COPB2: variants seen among roughly 807,000 people sequenced by gnomAD.
COPB2 encodes the protein coatomer subunit beta'.
In COPB2, 16 loss-of-function variants were observed where a neutral mutation model predicts 120.8. The observed-to-expected ratio is 0.13, with a 90% CI of 0.09 to 0.20. The LOEUF is 0.20. Among genes scored for constraint, COPB2 ranks in the 10% least tolerant of loss-of-function variants. COPB2 has a pLI of 1.00. For missense variants in COPB2, 794 were observed against 1,076.5 expected, an observed-to-expected ratio of 0.74 and a Z score of 3.67; for synonymous variants, 332 against 366.3, an observed-to-expected ratio of 0.91 and a Z score of 1.07.
At chr3:139,365,309 T>C (rs1048725385) in intron 15 of COPB2, among the ~76,000 whole-genome samples, 6 of 152,078 alleles carry the variant, frequency 3.9e-5, no homozygotes, top group Non-Finnish European at 5.9e-5. Flanking sequence ...GAATGAGGAA[T>C]AAAAATGGCT....
chr3:139,362,453 T>G lies in COPB2; in HGVS notation c.1949A>C (p.Gln650Pro), dbSNP rs762444070. ...GTATGCAATTTTTAACTCTCCAAGC[T>G]GAAGAGCAAGCTCAAAACGATGCTC... ...DPEHRFELAL[Q>P]LGELKIAYQL... The change falls in exon 16 of 22, where the codon CAG (glutamine) becomes CCG (proline). Residue 650 changes from glutamine to proline, a missense_variant. This residue lies in a region of COPB2 where 610 missense variants were observed against 866.7 expected (regional missense o/e 0.70). Transcript: ENST00000333188. 1 of 1,612,718 alleles carries G rather than the reference T, an allele frequency of 6.2e-7. No individual in the cohort carries two copies. The highest frequency in any genetic ancestry group is 1.7e-5 in the Admixed American group (1 of 59,984).
intron 4 of COPB2, among the ~76,000 whole-genome samples, chr3:139,378,400 ATAGAT>A (rs1447159543): frequency 6.6e-6 from 1 of 152,208 alleles, no homozygotes; most frequent in African/African-American, 2.4e-5. Flanking sequence ...AATAAATAAA[ATAGAT>A]TAGAAATAGA....
chr3:139,360,017 A>G (rs1379153398), intron 17 of COPB2, among the ~76,000 whole-genome samples: 2 of 152,188 alleles, frequency 1.3e-5, no homozygotes, highest in Non-Finnish European at 2.9e-5. Context: ...ATACTAAAGC[A>G]GTTCAGCTCA....
At chr3:139,366,229 A>G (rs763355740) in intron 15 of COPB2, among the ~76,000 whole-genome samples, 3 of 151,714 alleles carry the variant, frequency 2.0e-5, no homozygotes, top group Admixed American at 6.6e-5. Flanking sequence ...GTCATGGTAC[A>G]TTTTATATGT....
intron 1 of COPB2, among the ~76,000 whole-genome samples, chr3:139,385,804 A>T (rs770991201): frequency 6.6e-5 from 10 of 152,218 alleles, no homozygotes; most frequent in Non-Finnish European, 1.0e-4. Flanking sequence ...CAATATATAC[A>T]ATGATCCTTA....
chr3:139,362,561 A>ATTTT, intron 15 of COPB2, 44 bp from the exon 16 acceptor site: 1 of 1,223,116 alleles, frequency 8.2e-7, no homozygotes, highest in Non-Finnish European at 1.1e-6. Context: ...GCATACAAAA[A>ATTTT]TGTATGTATG....
chr3:139,361,142 C>T lies in COPB2; in HGVS notation c.2149G>A (p.Glu717Lys). 2.5e-6 allele frequency: 4 copies of T among 1,614,272 alleles called. No homozygotes were observed. Among genetic ancestry groups the T allele is most frequent in the Non-Finnish European group, 3.4e-6 (4 of 1,180,042 alleles). Residue 717 changes from glutamate (E) to lysine (K), a missense_variant, in exon 17 of 22, where the codon GAG (glutamate) becomes AAG (lysine). Transcript: ENST00000333188. ...TTTTTGCCATCTCTCTCCGCACCCT[C>T]TGCTAGCTTGTTCACCATATTAGCA... ...GNANMVNKLA[E>K]GAERDGKNNV...
chr3:139,367,163 A>G lies in COPB2; in HGVS notation c.1546-18T>C, dbSNP rs747870374. 6.2e-6 allele frequency: 10 copies of G among 1,610,638 alleles called. No homozygotes were observed. Among genetic ancestry groups the G allele is most frequent in the Non-Finnish European group, 8.5e-6 (10 of 1,179,096 alleles). ...CCAAGAACCTGCAGAAAGAAAAATA[A>G]AGACAATTACTTTATCCAACATCAG... On this transcript the variant is annotated intron_variant, in intron 13 of 21. Transcript: ENST00000333188.
At chr3:139,386,443 G>A (rs1226621253) in intron 1 of COPB2, among the ~76,000 whole-genome samples, 1 of 151,890 alleles carries the variant, frequency 6.6e-6, no homozygotes, top group African/African-American at 2.4e-5. Context: ...TTAGAGACAG[G>A]GTTTCACCAT....
chr3:139,377,743 T>A lies in COPB2; in HGVS notation c.504+298A>T, dbSNP rs190839009. On this transcript the variant is annotated intron_variant, in intron 5 of 21. Transcript: ENST00000333188. ...GAATACTAAAAGGAGAGGACAGTAG[T>A]ATCCTAAAAAGATATTGGCATTTTT... 4.6e-3 allele frequency among the ~76,000 whole-genome samples: 701 copies of A among 152,352 alleles called. 3 individuals carry two copies. The highest frequency in any genetic ancestry group is 7.4e-3 in the Non-Finnish European group (501 of 68,024).
chr3:139,367,039 A>G lies in COPB2; in HGVS notation c.1652T>C (p.Ile551Thr). The part of the protein sequence containing the change: ...NRLNYYVGGE[I>T]VTIAHLDRTM... ...CCTGTCCAAGTGGGCAATGGTGACT[A>G]TTTCTCCTCCAACATAATAATTTAA... Residue 551 changes from isoleucine (I) to threonine (T), a missense_variant, in exon 14 of 22, where the codon ATA (isoleucine) becomes ACA (threonine). Transcript: ENST00000333188. 2 of 1,613,494 alleles carry G rather than the reference A, an allele frequency of 1.2e-6. No individual in the cohort carries two copies. The highest frequency in any genetic ancestry group is 2.2e-5 in the South Asian group (2 of 90,870).
At chr3:139,365,362 C>A (rs766190152) in intron 15 of COPB2, among the ~76,000 whole-genome samples, 2 of 152,152 alleles carry the variant, frequency 1.3e-5, no homozygotes, top group Non-Finnish European at 2.9e-5. Context: ...ACAATGCCTT[C>A]AAAATTCTGA....
chr3:139,369,572 A>AAC, intron 10 of COPB2, 28 bp from the exon 11 acceptor site: 1 of 1,362,018 alleles, frequency 7.3e-7, no homozygotes, highest in Non-Finnish European at 1.0e-6. Flanking sequence ...AGGCAAACAT[A>AAC]ACATGTTATA....
chr3:139,387,903 A>G (rs543192850), intron 1 of COPB2, among the ~76,000 whole-genome samples: 4 of 152,324 alleles, frequency 2.6e-5, no homozygotes, highest in African/African-American at 9.6e-5. Flanking sequence ...TAACCACTTC[A>G]CAAACATATA....
In COPB2 at chr3:139,359,577, A is replaced by T. The variant is rs574065972; in HGVS notation, c.2211-215T>A. On this transcript the variant is annotated intron_variant, in intron 17 of 21. Transcript: ENST00000333188. The stretch of plus-strand genomic sequence containing the variant: ...TTTCCTGACTACTTTGAATCTACTT[A>T]ACTTAATTATTATAATTCCTAAGAA... Among the ~76,000 whole-genome samples, 10 of 152,062 alleles carry T rather than the reference A, an allele frequency of 6.6e-5. No homozygotes were observed. In the South Asian group the frequency reaches 1.0e-3, roughly 16 times the overall value.
At chr3:139,371,626 G>T in intron 10 of COPB2, 97 bp downstream of exon 10, 1 of 1,003,870 alleles carries the variant, frequency 1.0e-6, no homozygotes, top group Non-Finnish European at 1.5e-6. Flanking sequence ...TTTTTAACAC[G>T]GAGAATCACA....
At chr3:139,359,221 T>C (rs1487285475) in intron 18 of COPB2, 43 bp from the exon 19 acceptor site, 1 of 1,610,424 alleles carries the variant, frequency 6.2e-7, no homozygotes. Context: ...TAAGTAAATG[T>C]GCTCTCTTTT....
intron 1 of COPB2, among the ~76,000 whole-genome samples, chr3:139,388,102 G>A (rs1156539593): frequency 6.6e-6 from 1 of 152,102 alleles, no homozygotes; most frequent in African/African-American, 2.4e-5. Flanking sequence ...ATGTAAAGAC[G>A]GCAAAAGAAA....
At chr3:139,377,859 CA>C (rs1224992532) in intron 5 of COPB2, among the ~76,000 whole-genome samples, 181 bp downstream of exon 5, 1 of 152,180 alleles carries the variant, frequency 6.6e-6, no homozygotes, top group African/African-American at 2.4e-5. Flanking sequence ...TGAGTTGCCA[CA>C]ATATTTTTCT....
Sources: allele counts gnomAD v4.1 joint callset (sites outside exome capture counted in the v4.1 genomes callset), GRCh38; gene constraint gnomAD v4.1.1; regional missense constraint gnomAD v4.1.1; transcripts MANE v1.5; gene names NCBI Gene and HGNC (gene_info 2026-07-23, HGNC 2026-07-21).